ARHGAP32: variants seen among roughly 807,000 people sequenced by gnomAD.
The protein encoded by ARHGAP32 is rho GTPase-activating protein 32.
In ARHGAP32, 51 loss-of-function variants were observed where a neutral mutation model predicts 186.5. That is an observed-to-expected ratio of 0.27 (90% CI 0.22 to 0.35). The LOEUF is 0.35. Among genes scored for constraint, ARHGAP32 ranks in the 10% least tolerant of loss-of-function variants. The pLI is 1.00. For missense variants in ARHGAP32, 2,186 were observed against 2,623.5 expected, an observed-to-expected ratio of 0.83 and a Z score of 3.64; for synonymous variants, 950 against 964.3, an observed-to-expected ratio of 0.99 and a Z score of 0.27.
At chr11:129,241,099 T>C (rs1028813854) in intron 1 of ARHGAP32, among the ~76,000 whole-genome samples, 1 of 152,204 alleles carries the variant, frequency 6.6e-6, no homozygotes, top group South Asian at 2.1e-4. Context: ...AAAATGGGGA[T>C]CTTGGTACCT....
intron 1 of ARHGAP32, among the ~76,000 whole-genome samples, chr11:129,267,060 C>T (rs1424226552): frequency 6.6e-6 from 1 of 152,298 alleles, no homozygotes; most frequent in South Asian, 2.1e-4. Context: ...AGAAGAAGAC[C>T]TCAGGTCAGA....
intron 1 of ARHGAP32, among the ~76,000 whole-genome samples, chr11:129,234,229 G>A (rs906552273): frequency 4.6e-5 from 7 of 151,914 alleles, no homozygotes; most frequent in Admixed American, 3.3e-4. Context: ...TGCTATTTCA[G>A]AACTGTAAAC....
chr11:129,109,456 G>A (rs946692496), intron 5 of ARHGAP32, among the ~76,000 whole-genome samples: 1 of 152,170 alleles, frequency 6.6e-6, no homozygotes, highest in African/African-American at 2.4e-5. Context: ...GTAATTGTTG[G>A]ATCATATGGT....
intron 15 of ARHGAP32, among the ~76,000 whole-genome samples, chr11:128,984,069 A>G (rs755325514): frequency 6.6e-6 from 1 of 152,188 alleles, no homozygotes; most frequent in Non-Finnish European, 1.5e-5. Context: ...CCCTCATAGT[A>G]ATATTCAAAA....
chr11:129,232,580 G>T (rs12293505), intron 1 of ARHGAP32, among the ~76,000 whole-genome samples: 2,160 of 152,060 alleles, frequency 0.014, 21 homozygotes, highest in South Asian at 0.032. Flanking sequence ...GATCAGTAAT[G>T]ATGTTAATGA....
At chr11:128,998,951 T>C (rs1353271823) in intron 11 of ARHGAP32, among the ~76,000 whole-genome samples, 1 of 152,186 alleles carries the variant, frequency 6.6e-6, no homozygotes, top group African/African-American at 2.4e-5. Flanking sequence ...GACCCTGTGA[T>C]GATTGTGTTA....
chr11:129,252,313 C>T (rs907909842), intron 1 of ARHGAP32, among the ~76,000 whole-genome samples: 1 of 152,106 alleles, frequency 6.6e-6, no homozygotes, highest in Non-Finnish European at 1.5e-5. Flanking sequence ...GAACGGTTAG[C>T]TAATTAATAG....
intron 1 of ARHGAP32, among the ~76,000 whole-genome samples, chr11:129,230,817 T>C (rs987782532): frequency 1.3e-5 from 2 of 152,066 alleles, no homozygotes; most frequent in African/African-American, 4.8e-5. Flanking sequence ...AGCCCAAAAT[T>C]TAATATATTA....
chr11:129,043,831 T>C lies in ARHGAP32; in HGVS notation c.964-2822A>G, dbSNP rs541973111. Reference sequence around the variant, plus strand: ...GATTATTAACAATAAGTTTGTGGCTTGGGTTTGCAAACTGTACTGTTTGTT... The same window carrying C: ...GATTATTAACAATAAGTTTGTGGCTCGGGTTTGCAAACTGTACTGTTTGTT... On this transcript the variant is annotated intron_variant, in intron 10 of 22. Coordinates refer to ENST00000682385, the MANE Select transcript of ARHGAP32 (RefSeq NM_001378024.1). 2.6e-5 allele frequency among the ~76,000 whole-genome samples: 4 copies of C among 152,300 alleles called. No homozygotes were observed. In the South Asian group the frequency reaches 8.3e-4, roughly 32 times the overall value.
chr11:129,005,318 C>T (rs997983768), intron 11 of ARHGAP32, among the ~76,000 whole-genome samples: 1 of 152,028 alleles, frequency 6.6e-6, no homozygotes, highest in East Asian at 1.9e-4. Flanking sequence ...TATAATATTC[C>T]ATGTCTGTGT....
At chr11:129,086,820 CAAA>C (rs150471534) in intron 6 of ARHGAP32, among the ~76,000 whole-genome samples, 16,387 of 77,764 alleles carry the variant, frequency 0.21, 978 homozygotes, top group Middle Eastern at 0.26. Flanking sequence ...GACTCCATCT[CAAA>C]AAAAAAAAAA....
intron 2 of ARHGAP32, among the ~76,000 whole-genome samples, chr11:129,134,629 TA>T (rs1451516050): frequency 2.0e-5 from 3 of 152,184 alleles, no homozygotes; most frequent in Non-Finnish European, 2.9e-5. Context: ...ACATTTCTAA[TA>T]AAAAATGTGA....
intron 11 of ARHGAP32, among the ~76,000 whole-genome samples, chr11:129,019,521 C>T (rs574920570): frequency 2.6e-4 from 39 of 152,132 alleles, no homozygotes; most frequent in African/African-American, 9.2e-4. Context: ...TATCTCCCAT[C>T]ACATTCTGTG....
chr11:129,036,921 A>G (rs1261377258), intron 11 of ARHGAP32, among the ~76,000 whole-genome samples: 2 of 152,220 alleles, frequency 1.3e-5, no homozygotes, highest in Non-Finnish European at 2.9e-5. Flanking sequence ...GAAGAAGTAA[A>G]AAGTGGCTAC....
At chr11:129,203,443 T>C (rs2135579074) in intron 1 of ARHGAP32, among the ~76,000 whole-genome samples, 1 of 152,252 alleles carries the variant, frequency 6.6e-6, no homozygotes, top group East Asian at 1.9e-4. Context: ...AAATGAACAC[T>C]GGATATTAAA....
intron 2 of ARHGAP32, among the ~76,000 whole-genome samples, chr11:129,148,111 G>A (rs961807785): frequency 5.9e-5 from 9 of 152,302 alleles, no homozygotes; most frequent in South Asian, 2.1e-4. Flanking sequence ...CAATGCTAAC[G>A]TGTAGCTCCC....
chr11:129,114,692 AATTTAATAATATTTC>A (rs1942315491), intron 5 of ARHGAP32, among the ~76,000 whole-genome samples: 1 of 152,144 alleles, frequency 6.6e-6, no homozygotes, highest in East Asian at 1.9e-4. Context: ...TTCACTTCTC[AATTTAATAATATTTC>A]AGTCCTTCAT....
At chr11:129,193,726 A>ATATATTTTATATTATATAT (rs1555111394), upstream of ARHGAP32, among the ~76,000 whole-genome samples, 1 of 85,704 alleles carries the variant, frequency 1.2e-5, no homozygotes, top group African/African-American at 4.4e-5. Flanking sequence ...ATTATATATT[A>ATATATTTTATATTATATAT]TATATAATAT....
chr11:129,043,257 T>C (rs1270126181), intron 10 of ARHGAP32, among the ~76,000 whole-genome samples: 2 of 152,208 alleles, frequency 1.3e-5, no homozygotes, highest in African/African-American at 4.8e-5. Flanking sequence ...ATGTTCAAGT[T>C]CTACCTTGGC....
Sources: allele counts gnomAD v4.1 joint callset (sites outside exome capture counted in the v4.1 genomes callset), GRCh38; gene constraint gnomAD v4.1.1; transcripts MANE v1.5; gene names NCBI Gene and HGNC (gene_info 2026-07-23, HGNC 2026-07-21).